Variants in CALD1 observed in about 807,000 individuals in gnomAD.
The protein encoded by CALD1 is caldesmon.
In CALD1, 33 loss-of-function variants were observed where a neutral mutation model predicts 99.9. The observed-to-expected ratio is 0.33, with a 90% confidence interval of 0.25 to 0.44. The LOEUF is 0.44. CALD1 is among the 20% of genes least tolerant of loss of function. The pLI, the probability that CALD1 is intolerant of heterozygous loss-of-function variation, is 1.00. For missense variants in CALD1, 861 were observed against 962.1 expected (o/e 0.89, Z 1.39); for synonymous variants, 310 against 325.0 (o/e 0.95, Z 0.50).
intron 1 of CALD1, among the ~76,000 whole-genome samples, chr7:134,840,425 T>C (rs750573927): frequency 3.3e-5 from 5 of 152,212 alleles, no homozygotes; most frequent in Non-Finnish European, 5.9e-5. Flanking sequence ...TCTGGTTTGC[T>C]CCTTCTCCGT....
intron 3 of CALD1, among the ~76,000 whole-genome samples, chr7:134,868,616 C>G (rs1188003401): frequency 1.3e-5 from 2 of 152,106 alleles, no homozygotes; most frequent in Admixed American, 6.5e-5. Context: ...GACACTTTAA[C>G]GATACCACAG....
chr7:134,827,828 A>G (rs544863781), intron 1 of CALD1, among the ~76,000 whole-genome samples: 7 of 152,346 alleles, frequency 4.6e-5, no homozygotes, highest in Non-Finnish European at 1.0e-4. Flanking sequence ...GATTTAACAC[A>G]AACTCAGGAC....
chr7:134,716,302 A>G, the CALD1 span, among the ~76,000 whole-genome samples: 4 of 152,194 alleles, frequency 2.6e-5, no homozygotes, highest in Non-Finnish European at 5.9e-5. Context: ...TAAAAATTCA[A>G]CCACTCTCAC....
rs563320296 is a variant in CALD1 at position 134,963,275 on chromosome 7, T to C, written c.2296-2031T>C. 2.6e-5 allele frequency among the ~76,000 whole-genome samples: 4 copies of C among 152,294 alleles called. No homozygotes were observed. In the East Asian group the frequency reaches 7.7e-4, roughly 29 times the overall value. ...ATGTAGTGGAATTCTACAAAAATAA[T>C]CTGATTTGTTGCTTAATGGCTCCAA... On this transcript the variant is annotated intron_variant, in intron 13 of 14. Coordinates refer to ENST00000361675, the MANE Select transcript of CALD1 (RefSeq NM_033138.4).
At chr7:134,951,627 C>T (rs1807345316) in intron 9 of CALD1, among the ~76,000 whole-genome samples, 1 of 152,124 alleles carries the variant, frequency 6.6e-6, no homozygotes, top group Non-Finnish European at 1.5e-5. Context: ...GGCTTTGGTC[C>T]TATGACAGCC....
At chr7:134,771,052 T>G (rs1796874186) in intron 1 of CALD1, among the ~76,000 whole-genome samples, 1 of 152,180 alleles carries the variant, frequency 6.6e-6, no homozygotes, top group Non-Finnish European at 1.5e-5. Flanking sequence ...CACCACCCCT[T>G]CCTTCAACTG....
chr7:134,922,193 T>A (rs1232206529), intron 3 of CALD1, among the ~76,000 whole-genome samples: 1 of 152,208 alleles, frequency 6.6e-6, no homozygotes, highest in Admixed American at 6.5e-5. Flanking sequence ...ATAAAATAAG[T>A]AAATATTTGT....
intron 1 of CALD1, among the ~76,000 whole-genome samples, chr7:134,758,501 GGTGTGTGTGTGTGTGT>G (rs59389296): frequency 0.13 from 19,573 of 145,172 alleles, 1,529 homozygotes; most frequent in Non-Finnish European, 0.18. Flanking sequence ...CTCCCATTGG[GGTGTGTGTGTGTGTGT>G]GTGTGTGTGT....
intron 3 of CALD1, among the ~76,000 whole-genome samples, chr7:134,890,815 C>G (rs1418171098): frequency 6.6e-6 from 1 of 152,226 alleles, no homozygotes; most frequent in Non-Finnish European, 1.5e-5. Context: ...GGCTCTTGCC[C>G]ACATTTCTTG....
intron 1 of CALD1, among the ~76,000 whole-genome samples, chr7:134,750,232 T>TG (rs1215872654): frequency 6.7e-6 from 1 of 148,530 alleles, no homozygotes; most frequent in African/African-American, 2.5e-5. Context: ...AAGGAACCCC[T>TG]GTCCCTTCCT....
chr7:134,928,670 G>C, intron 3 of CALD1, 84 bp from the exon 4 acceptor site: 7 of 1,330,778 alleles, frequency 5.3e-6, no homozygotes, highest in Non-Finnish European at 7.2e-6. Flanking sequence ...GTTCAGAAAA[G>C]GGCTCAGGGC....
chr7:134,922,918 C>T (rs2132832221), intron 3 of CALD1, among the ~76,000 whole-genome samples: 1 of 152,270 alleles, frequency 6.6e-6, no homozygotes, highest in South Asian at 2.1e-4. Context: ...TTTCCCATTG[C>T]ATATATATTT....
At chr7:134,738,134 G>T in the CALD1 span, among the ~76,000 whole-genome samples, 1 of 152,078 alleles carries the variant, frequency 6.6e-6, no homozygotes, top group Non-Finnish European at 1.5e-5. Flanking sequence ...CCCCCATCTT[G>T]TTCAGGCTCA....
chr7:134,752,952 G>T (rs1294620660), intron 1 of CALD1, among the ~76,000 whole-genome samples: 1 of 145,444 alleles, frequency 6.9e-6, no homozygotes, highest in East Asian at 2.1e-4. Context: ...GGAAGTTTCA[G>T]TGAGCCGAGA....
At chr7:134,948,777 T>C (rs1807110707) in intron 8 of CALD1, among the ~76,000 whole-genome samples, 1 of 152,200 alleles carries the variant, frequency 6.6e-6, no homozygotes, top group Non-Finnish European at 1.5e-5. Flanking sequence ...AGGTCTCTTT[T>C]AACTCCAACT....
intron 3 of CALD1, among the ~76,000 whole-genome samples, chr7:134,871,327 G>C (rs1315054400): frequency 3.9e-5 from 6 of 152,148 alleles, no homozygotes; most frequent in African/African-American, 1.4e-4. Flanking sequence ...GGAACTAAAA[G>C]AAAGATTTCA....
At chr7:134,927,551 C>CAAAA (rs58182455) in intron 3 of CALD1, among the ~76,000 whole-genome samples, 12 of 40,360 alleles carry the variant, frequency 3.0e-4, no homozygotes, top group Non-Finnish European at 2.5e-4. Context: ...GACTGTGTCT[C>CAAAA]AAAAAAAAAA....
At chr7:134,793,940 A>C (rs1034199150) in intron 1 of CALD1, among the ~76,000 whole-genome samples, 1 of 149,574 alleles carries the variant, frequency 6.7e-6, no homozygotes, top group East Asian at 2.0e-4. Context: ...ACTTTACTCT[A>C]CTCTGCTCTC....
intron 3 of CALD1, among the ~76,000 whole-genome samples, chr7:134,927,731 G>A (rs1181392770): frequency 2.6e-5 from 4 of 151,154 alleles, no homozygotes; most frequent in Admixed American, 2.0e-4. Flanking sequence ...AAAGAGGGGG[G>A]CCTTAAAGGG....
Sources: gnomAD v4.1 joint callset for allele counts (sites outside exome capture counted in the v4.1 genomes callset) on GRCh38, gnomAD v4.1.1 for gene constraint, MANE v1.5 for transcripts, NCBI Gene and HGNC (gene_info 2026-07-23, HGNC 2026-07-21) for gene names.